The following CLIC5 variants were observed in gnomAD, a reference collection of about 807,000 sequenced individuals.
CLIC5 encodes CLIC family member 5.
In CLIC5, 20 loss-of-function variants were observed where a neutral mutation model predicts 24.7. The ratio of observed to expected loss-of-function variants is 0.81; its 90% CI spans 0.57 to 1.18. The LOEUF (loss-of-function observed/expected upper bound fraction) is 1.18, where lower values mean the gene tolerates loss of function less well. CLIC5 is among the 50% of genes most tolerant of loss of function. The pLI is 0.00. For synonymous variants in CLIC5, 159 were observed against 135.6 expected, an observed-to-expected ratio of 1.17 and a Z score of -1.20; for missense variants, 341 against 326.1, an observed-to-expected ratio of 1.05 and a Z score of -0.35.
intron 1 of CLIC5, among the ~76,000 whole-genome samples, chr6:46,078,600 A>T (rs1431460473): frequency 6.6e-6 from 1 of 152,160 alleles, no homozygotes; most frequent in Non-Finnish European, 1.5e-5. Context: ...CTGTCACCAT[A>T]TTATTCATTA....
At chr6:45,958,441 T>TACACACACACACAC (rs1554151283) in intron 1 of CLIC5, among the ~76,000 whole-genome samples, 7 of 17,942 alleles carry the variant, frequency 3.9e-4, no homozygotes, top group African/African-American at 1.6e-3. Flanking sequence ...TATATATATA[T>TACACACACACACAC]ATATATATAT....
At chr6:46,033,960 G>C (rs544321887) in intron 1 of CLIC5, among the ~76,000 whole-genome samples, 1 of 152,236 alleles carries the variant, frequency 6.6e-6, no homozygotes, top group South Asian at 2.1e-4. Context: ...AGGCAACAAT[G>C]GTGGCTTAGA....
chr6:45,897,570 C>A (rs1762410486), downstream of CLIC5, among the ~76,000 whole-genome samples: 1 of 152,210 alleles, frequency 6.6e-6, no homozygotes. Context: ...CCCCTCCCAT[C>A]AAGATCCACC....
chr6:46,080,234 G>A (rs1475537947), exon 1 of CLIC5: 8 of 1,550,034 alleles, frequency 5.2e-6, no homozygotes, highest in African/African-American at 1.4e-5. Context: ...TGTAGTCTTC[G>A]TCATTCATGC....
At chr6:45,944,791 A>G (rs751679278) in intron 3 of CLIC5, among the ~76,000 whole-genome samples, 2 of 152,142 alleles carry the variant, frequency 1.3e-5, no homozygotes, top group African/African-American at 2.4e-5. Flanking sequence ...GATACCCTGG[A>G]GAAAAAGAAA....
chr6:46,060,637 C>T (rs1762232662), intron 1 of CLIC5, among the ~76,000 whole-genome samples: 1 of 152,204 alleles, frequency 6.6e-6, no homozygotes, highest in African/African-American at 2.4e-5. Context: ...TAAACCTCCT[C>T]TTAAAGCAGC....
chr6:46,010,557 G>C (rs1329178905), intron 1 of CLIC5, among the ~76,000 whole-genome samples: 1 of 152,188 alleles, frequency 6.6e-6, no homozygotes, highest in African/African-American at 2.4e-5. Context: ...CTAACTGACT[G>C]TCTAAATTGA....
upstream of CLIC5, among the ~76,000 whole-genome samples, chr6:46,084,136 T>A (rs922931951): frequency 6.6e-6 from 1 of 152,120 alleles, no homozygotes; most frequent in African/African-American, 2.4e-5. Flanking sequence ...TGGTAGATCT[T>A]CCTCCATCCT....
chr6:46,044,276 C>T (rs1767895561), intron 1 of CLIC5, among the ~76,000 whole-genome samples: 1 of 152,152 alleles, frequency 6.6e-6, no homozygotes, highest in Admixed American at 6.5e-5. Context: ...ATAAAAATAA[C>T]CACCTCAGAT....
the CLIC5 span, among the ~76,000 whole-genome samples, chr6:46,099,393 A>G: frequency 2.0e-5 from 3 of 152,240 alleles, no homozygotes; most frequent in Admixed American, 6.5e-5. Context: ...GAAAGGGAGA[A>G]AAAAGTATTT....
chr6:45,975,557 G>A (rs1765357503), intron 1 of CLIC5, among the ~76,000 whole-genome samples: 1 of 152,118 alleles, frequency 6.6e-6, no homozygotes, highest in South Asian at 2.1e-4. Context: ...CATTGGGGCA[G>A]GCAAGTGCTT....
At chr6:45,953,997 C>T (rs568813453) in intron 2 of CLIC5, among the ~76,000 whole-genome samples, 1 of 151,902 alleles carries the variant, frequency 6.6e-6, no homozygotes, top group African/African-American at 2.4e-5. Context: ...AGAAAAAGAC[C>T]AGGAGCAGTG....
At chr6:45,906,669 T>A (rs186523780) in intron 5 of CLIC5, among the ~76,000 whole-genome samples, 2 of 152,044 alleles carry the variant, frequency 1.3e-5, no homozygotes, top group African/African-American at 4.8e-5. Flanking sequence ...TTCAAGCGAT[T>A]CTCCTGCCTC....
chr6:46,015,219 C>A (rs1159688655), intron 1 of CLIC5, among the ~76,000 whole-genome samples: 1 of 152,204 alleles, frequency 6.6e-6, no homozygotes, highest in Non-Finnish European at 1.5e-5. Flanking sequence ...GGACTCGCAG[C>A]GGTGACAGCG....
the CLIC5 span, among the ~76,000 whole-genome samples, chr6:46,108,921 A>G: frequency 6.6e-6 from 1 of 152,204 alleles, no homozygotes. Flanking sequence ...AAAGTCCAAG[A>G]GAGACTTATT....
chr6:46,082,132 G>A (rs1023690083), upstream of CLIC5, among the ~76,000 whole-genome samples: 1 of 152,094 alleles, frequency 6.6e-6, no homozygotes, highest in Non-Finnish European at 1.5e-5. Flanking sequence ...CTAATGCAGT[G>A]TGTAGCTCAT....
the CLIC5 span, among the ~76,000 whole-genome samples, chr6:46,120,119 T>C: frequency 6.6e-6 from 1 of 152,192 alleles, no homozygotes; most frequent in Non-Finnish European, 1.5e-5. Context: ...GATCTGAGAA[T>C]GGACAGACTG....
At chr6:45,917,996 C>T (rs1763099066) in intron 4 of CLIC5, among the ~76,000 whole-genome samples, 3 of 152,230 alleles carry the variant, frequency 2.0e-5, no homozygotes, top group African/African-American at 7.2e-5. Context: ...ACCCAAGACG[C>T]AGGATCACTA....
At chr6:46,001,378 C>T (rs1037992375) in intron 1 of CLIC5, among the ~76,000 whole-genome samples, 1 of 152,162 alleles carries the variant, frequency 6.6e-6, no homozygotes, top group Non-Finnish European at 1.5e-5. Context: ...CTGAGCTTAG[C>T]TGGGCCTCTC....
Sources: gnomAD v4.1 joint callset for allele counts (sites outside exome capture counted in the v4.1 genomes callset) on GRCh38, gnomAD v4.1.1 for gene constraint, MANE v1.5 for transcripts, NCBI Gene and HGNC (gene_info 2026-07-23, HGNC 2026-07-21) for gene names.